The following VPS54 variants were observed in gnomAD, a reference collection of about 807,000 sequenced individuals.
VPS54 encodes vacuolar protein sorting-associated protein 54.
A neutral mutation model predicts 121.5 loss-of-function variants in VPS54; 45 were observed. That is an observed-to-expected ratio of 0.37 (90% CI 0.29 to 0.47). The LOEUF is 0.47. Ranked by LOEUF, VPS54 falls within the 20% of genes least tolerant of loss-of-function variation. The pLI, the probability that VPS54 is intolerant of heterozygous loss-of-function variation, is 0.99. For synonymous variants in VPS54, 371 were observed against 385.8 expected (o/e 0.96, Z 0.45); for missense variants, 1,090 against 1,131.4 (o/e 0.96, Z 0.52).
At chr2:63,914,071 A>C in intron 17 of VPS54, 111 bp downstream of exon 17, 1 of 1,071,150 alleles carries the variant, frequency 9.3e-7, no homozygotes, top group Non-Finnish European at 1.4e-6. Flanking sequence ...TTATAAAACT[A>C]ATGTCTTAAA....
intron 10 of VPS54, among the ~76,000 whole-genome samples, chr2:63,943,727 C>CTTTCTTTTTT (rs34858643): frequency 2.3e-5 from 3 of 129,604 alleles, no homozygotes; most frequent in Non-Finnish European, 3.2e-5. Flanking sequence ...TTCTTTCTTT[C>CTTTCTTTTTT]TTTTTTTTTT....
At chr2:63,936,820 TAG>T (rs767841451) in intron 11 of VPS54, among the ~76,000 whole-genome samples, 8 of 152,108 alleles carry the variant, frequency 5.3e-5, no homozygotes, top group Non-Finnish European at 1.0e-4. Flanking sequence ...ACATATAGAA[TAG>T]AGAGAGCCCA....
chr2:64,009,160 T>C (rs944425726), intron 1 of VPS54, among the ~76,000 whole-genome samples: 3 of 152,200 alleles, frequency 2.0e-5, no homozygotes, highest in African/African-American at 7.2e-5. Flanking sequence ...CTTCTGTCTT[T>C]GTCTCCTTAT....
chr2:64,016,709 A>C (rs1015860997), intron 1 of VPS54, among the ~76,000 whole-genome samples: 2 of 151,740 alleles, frequency 1.3e-5, no homozygotes, highest in African/African-American at 4.8e-5. Context: ...CCCAGGTTCA[A>C]GCGATTCGCC....
intron 20 of VPS54, among the ~76,000 whole-genome samples, chr2:63,907,564 C>G (rs1455529056): frequency 6.7e-6 from 1 of 149,586 alleles, no homozygotes; most frequent in Non-Finnish European, 1.5e-5. Context: ...GGATAGGACA[C>G]AAGCAGCATG....
intron 10 of VPS54, 64 bp from the exon 11 acceptor site, chr2:63,942,625 A>T: frequency 7.6e-7 from 1 of 1,317,152 alleles, no homozygotes; most frequent in Non-Finnish European, 1.0e-6. Flanking sequence ...TAACATCTAC[A>T]AACTGGAAGA....
At chr2:63,930,124 A>G (rs1674117599) in intron 12 of VPS54, among the ~76,000 whole-genome samples, 1 of 152,198 alleles carries the variant, frequency 6.6e-6, no homozygotes, top group African/African-American at 2.4e-5. Flanking sequence ...AACTATTCCA[A>G]TCAATAGAAA....
intron 1 of VPS54, among the ~76,000 whole-genome samples, chr2:64,013,109 T>C (rs995212905): frequency 3.3e-5 from 5 of 152,240 alleles, no homozygotes; most frequent in African/African-American, 1.2e-4. Flanking sequence ...GTATCCTCTA[T>C]AAATTATTTA....
intron 20 of VPS54, among the ~76,000 whole-genome samples, chr2:63,901,986 G>C (rs1405485553): frequency 1.3e-5 from 2 of 152,114 alleles, no homozygotes; most frequent in Admixed American, 6.5e-5. Context: ...TTGCACTCCA[G>C]CCTGGGAGAC....
intron 11 of VPS54, among the ~76,000 whole-genome samples, chr2:63,937,656 G>C (rs1674511433): frequency 6.6e-6 from 1 of 152,032 alleles, no homozygotes; most frequent in Non-Finnish European, 1.5e-5. Flanking sequence ...ACAAAAATAA[G>C]AACTAAAAGG....
chr2:63,921,421 A>C, intron 12 of VPS54, 86 bp from the exon 13 acceptor site: 1 of 1,436,672 alleles, frequency 7.0e-7, no homozygotes, highest in South Asian at 1.5e-5. Flanking sequence ...AAGGATGAAA[A>C]AGCTGTAAAA....
intron 7 of VPS54, among the ~76,000 whole-genome samples, chr2:63,961,013 C>A (rs1015385816): frequency 6.6e-6 from 1 of 152,196 alleles, no homozygotes; most frequent in Admixed American, 6.5e-5. Flanking sequence ...CCCCTAAGGT[C>A]AGAGCTCCAC....
At chr2:63,971,946 G>A (rs528056925) in intron 4 of VPS54, among the ~76,000 whole-genome samples, 39 of 152,160 alleles carry the variant, frequency 2.6e-4, no homozygotes, top group South Asian at 4.2e-4. Context: ...TACCAACCAC[G>A]AAGATATCCA....
intron 22 of VPS54, among the ~76,000 whole-genome samples, 172 bp downstream of exon 22, chr2:63,897,324 T>A (rs199978561): frequency 2.6e-5 from 4 of 151,740 alleles, no homozygotes; most frequent in African/African-American, 9.7e-5. Context: ...TTTTAGATAG[T>A]TAGATAGAAA....
At position 63,990,378 on chromosome 2, in the gene VPS54, C is replaced by T. The variant is rs150452521; in HGVS notation, c.-20-6359G>A. The stretch of plus-strand genomic sequence containing the variant: ...TACGCTAATTCTTCTCTCTTCAAAC[C>T]TCCGGAGTCACCTAATGGCTCCAGG... On this transcript the variant is annotated intron_variant, in intron 1 of 22. Transcript: ENST00000272322. Among the ~76,000 whole-genome samples, 1,269 of 152,288 alleles carry T rather than the reference C, an allele frequency of 8.3e-3. 27 individuals carry two copies. Among genetic ancestry groups the T allele is most frequent in the African/African-American group, 0.029 (1,219 of 41,552 alleles).
intron 1 of VPS54, among the ~76,000 whole-genome samples, chr2:64,009,558 C>T (rs1489554663): frequency 2.0e-5 from 3 of 152,100 alleles, no homozygotes; most frequent in Non-Finnish European, 4.4e-5. Context: ...TCAGGTGATC[C>T]GCCTGCCTCA....
chr2:64,002,769 T>C (rs1320534952), intron 1 of VPS54, among the ~76,000 whole-genome samples: 1 of 152,198 alleles, frequency 6.6e-6, no homozygotes, highest in African/African-American at 2.4e-5. Flanking sequence ...CCTATACCAC[T>C]CTTAATTCTT....
chr2:63,914,621 G>A (rs371031191), intron 16 of VPS54, among the ~76,000 whole-genome samples: 5 of 152,056 alleles, frequency 3.3e-5, no homozygotes, highest in Admixed American at 6.6e-5. Context: ...TAAGGGAGTC[G>A]CTTCAGTAAG....
intron 3 of VPS54, among the ~76,000 whole-genome samples, chr2:63,977,373 T>C (rs1676590771): frequency 6.6e-6 from 1 of 152,234 alleles, no homozygotes; most frequent in African/African-American, 2.4e-5. Flanking sequence ...AAATGAAGCC[T>C]TCAGTGCTTA....
Sources: allele counts gnomAD v4.1 joint callset (sites outside exome capture counted in the v4.1 genomes callset), GRCh38; gene constraint gnomAD v4.1.1; transcripts MANE v1.5; gene names NCBI Gene and HGNC (gene_info 2026-07-23, HGNC 2026-07-21).